Variants in BTK observed in about 807,000 individuals in gnomAD.
BTK encodes tyrosine-protein kinase BTK.
A neutral mutation model predicts 57.4 loss-of-function variants in BTK; 5 were observed. The ratio of observed to expected loss-of-function variants is 0.09; its 90% CI spans 0.05 to 0.18. BTK has a LOEUF of 0.18. Among genes scored for constraint, BTK ranks in the 10% least tolerant of loss-of-function variants. BTK has a pLI of 1.00. For missense variants in BTK, 194 were observed against 501.2 expected (o/e 0.39, Z 5.85); for synonymous variants, 154 against 174.3 (o/e 0.88, Z 0.92).
chrX:101,384,287 G>A lies in BTK; in HGVS notation c.-31+1775C>T, dbSNP rs150913389. Among the ~76,000 whole-genome samples, 188 of 111,996 alleles carry A rather than the reference G, an allele frequency of 1.7e-3. 2 individuals are homozygous for A. The highest frequency in any genetic ancestry group is 5.8e-3 in the African/African-American group (180 of 30,840). ...ACTGGATGGAAAGTTACATTAGTTC[G>A]CACCATAAGGAGTTTACAAAGAATT... On this transcript the variant is annotated intron_variant, in intron 1 of 18. Coordinates refer to ENST00000308731, the MANE Select transcript of BTK (RefSeq NM_000061.3).
At chrX:101,382,264 T>C (rs1927466513) in intron 1 of BTK, among the ~76,000 whole-genome samples, 1 of 110,621 alleles carries the variant, frequency 9.0e-6, no homozygotes, top group Non-Finnish European at 1.9e-5. Flanking sequence ...GCTGTAGTCA[T>C]TTACAGGAGG....
rs1222612736 is a variant in BTK at position 101,356,124 on chromosome X, C to T, written c.1494G>A (p.Leu498=). The T allele has an allele frequency of 8.3e-7, 1 of 1,211,598 alleles. No homozygotes were observed. Among genetic ancestry groups the T allele is most frequent in the Non-Finnish European group, 1.1e-6 (1 of 895,536 alleles). Residue 498 remains leucine (L), a synonymous_variant, in exon 15 of 19, where the codon CTG becomes CTA. Coordinates refer to ENST00000308731, the MANE Select transcript of BTK (RefSeq NM_000061.3). ...EMRHRFQTQQ[L]LEMCKDVCEA... is the part of the protein sequence containing the mutation. ...CACAGACATCCTTGCACATCTCTAG[C>T]AGCTGCTGAGTCTGGAAGCGGTGGC...
chrX:101,390,244 A>AT (rs1431402550), upstream of BTK, among the ~76,000 whole-genome samples: 1 of 111,919 alleles, frequency 8.9e-6, no homozygotes, highest in Non-Finnish European at 1.9e-5. Flanking sequence ...GAGACCTAGT[A>AT]TATGCCTTCT....
At chrX:101,379,156 C>CA (rs782474716) in intron 1 of BTK, among the ~76,000 whole-genome samples, 2,960 of 75,109 alleles carry the variant, frequency 0.039, 57 homozygotes, top group Non-Finnish European at 0.056. Flanking sequence ...CCTGGAGTCT[C>CA]AAAAAAAAAA....
chrX:101,376,498 A>G (rs1927218448), intron 1 of BTK, among the ~76,000 whole-genome samples: 1 of 111,231 alleles, frequency 9.0e-6, no homozygotes, highest in African/African-American at 3.3e-5. Context: ...GTAGTGGTGG[A>G]TGCCTGTAAT....
At chrX:101,382,592 G>T (rs3027611) in intron 1 of BTK, among the ~76,000 whole-genome samples, 10,689 of 110,501 alleles carry the variant, frequency 0.097, 416 homozygotes, top group South Asian at 0.26. Context: ...AAACTTCTAG[G>T]TCTCTGTGAT....
intron 5 of BTK, among the ~76,000 whole-genome samples, chrX:101,364,073 T>A (rs1396251341): frequency 4.6e-5 from 5 of 107,556 alleles, no homozygotes; most frequent in Non-Finnish European, 9.6e-5. Context: ...TAACTTTTTT[T>A]AAAAAAGACA....
rs3027641 is a variant in BTK at position 101,362,001 on chromosome X, C to T, written c.588+172G>A. On this transcript the variant is annotated intron_variant, in intron 7 of 18. Coordinates refer to ENST00000308731, the MANE Select transcript of BTK (RefSeq NM_000061.3). ...GGATTACATGGTTGCTGAGAGCCTT[C>T]TATCTTTCCATCGAGGAGGAAATCC... Among the ~76,000 whole-genome samples the T allele has an allele frequency of 0.12, 13,003 of 112,581 alleles. 560 individuals are homozygous for T. Among genetic ancestry groups the T allele is most frequent in the South Asian group, 0.3 (824 of 2,765 alleles).
chrX:101,383,537 C>CT (rs1199915049), intron 1 of BTK, among the ~76,000 whole-genome samples: 3,046 of 103,695 alleles, frequency 0.029, 100 homozygotes, highest in African/African-American at 0.087. Context: ...GCAGACAAAT[C>CT]TTTTTTTTTT....
At chrX:101,387,476 C>T (rs1253659128), upstream of BTK, among the ~76,000 whole-genome samples, 1 of 106,986 alleles carries the variant, frequency 9.3e-6, no homozygotes, top group Non-Finnish European at 1.9e-5. Context: ...CTCAGTCACC[C>T]TAGTACCTGG....
At chrX:101,385,569 G>C (rs1170643772) in intron 1 of BTK, among the ~76,000 whole-genome samples, 2 of 112,508 alleles carry the variant, frequency 1.8e-5, no homozygotes, top group African/African-American at 6.5e-5. Flanking sequence ...GGCCTAGCCA[G>C]GCCTTTCCCT....
chrX:101,377,175 T>C (rs1927241548), intron 1 of BTK, among the ~76,000 whole-genome samples: 2 of 111,392 alleles, frequency 1.8e-5, no homozygotes, highest in Admixed American at 1.9e-4. Context: ...GAGTGACAAA[T>C]TGATGAGTTT....
intron 3 of BTK, among the ~76,000 whole-genome samples, chrX:101,372,808 G>A (rs1260604680): frequency 5.7e-5 from 6 of 105,821 alleles, no homozygotes; most frequent in Non-Finnish European, 7.8e-5. Context: ...GTTGGGCTGG[G>A]CACAGTGGCT....
At chrX:101,384,229 AG>A (rs1237809596) in intron 1 of BTK, among the ~76,000 whole-genome samples, 9 of 112,165 alleles carry the variant, frequency 8.0e-5, no homozygotes, top group Non-Finnish European at 1.7e-4. Flanking sequence ...AGCAAATCAT[AG>A]TGATAATTTA....
At chrX:101,383,967 G>T (rs896897846) in intron 1 of BTK, among the ~76,000 whole-genome samples, 5 of 111,467 alleles carry the variant, frequency 4.5e-5, no homozygotes, top group African/African-American at 1.6e-4. Context: ...ATATGTCAAG[G>T]CCTCTTTTCT....
At chrX:101,390,698 C>T (rs1927753122), upstream of BTK, 1 of 463,234 alleles carries the variant, frequency 2.2e-6, no homozygotes, top group African/African-American at 2.4e-5. Flanking sequence ...TCCTGGCTTC[C>T]CTCGGGGACG....
intron 9 of BTK, 127 bp from the exon 10 acceptor site, chrX:101,359,474 G>T: frequency 1.5e-6 from 1 of 670,098 alleles, no homozygotes; most frequent in Non-Finnish European, 2.5e-6. Context: ...CTGAGCATCT[G>T]TCATGTGCAT....
chrX:101,375,632 A>C (rs1311621749), intron 1 of BTK, among the ~76,000 whole-genome samples: 1 of 112,506 alleles, frequency 8.9e-6, no homozygotes. Context: ...GCTTTACACT[A>C]TTCACCTTTA....
intron 7 of BTK, among the ~76,000 whole-genome samples, chrX:101,361,365 A>G (rs1926663699): frequency 9.0e-6 from 1 of 111,603 alleles, no homozygotes; most frequent in Admixed American, 9.6e-5. Context: ...AGCTAAGGTC[A>G]GGAAACCGGC....
Sources: gnomAD v4.1 joint callset for allele counts (sites outside exome capture counted in the v4.1 genomes callset) on GRCh38, gnomAD v4.1.1 for gene constraint, MANE v1.5 for transcripts, NCBI Gene and HGNC (gene_info 2026-07-23, HGNC 2026-07-21) for gene names.